Variants in CD46 observed in about 807,000 individuals in gnomAD.
CD46 encodes membrane cofactor protein.
Under a neutral mutation model 53.3 loss-of-function variants are expected in CD46, and 30 were observed. The observed-to-expected ratio is 0.56, with a 90% CI of 0.42 to 0.76. The LOEUF is 0.76. CD46 is among the 30% of genes least tolerant of loss of function. The pLI is 0.00. For missense variants in CD46, 409 were observed against 463.0 expected (o/e 0.88, Z 1.07); for synonymous variants, 142 against 152.0 (o/e 0.93, Z 0.48).
At chr1:207,754,274 C>T (rs1188996529) in intron 1 of CD46, among the ~76,000 whole-genome samples, 1 of 152,186 alleles carries the variant, frequency 6.6e-6, no homozygotes, top group African/African-American at 2.4e-5. Flanking sequence ...GCTGTTCCCT[C>T]AGCCCAGGAA....
At chr1:207,785,255 T>C in intron 10 of CD46, 149 bp downstream of exon 10, 1 of 680,158 alleles carries the variant, frequency 1.5e-6, no homozygotes, top group Non-Finnish European at 2.6e-6. Context: ...TTTGATATAC[T>C]TAACTACCTA....
At chr1:207,780,731 TG>T (rs1277084257) in intron 8 of CD46, among the ~76,000 whole-genome samples, 1 of 152,148 alleles carries the variant, frequency 6.6e-6, no homozygotes. Flanking sequence ...CTTATTAAAT[TG>T]TTTTTTTAGT....
At chr1:207,774,180 GT>G (rs1307798547) in intron 8 of CD46, among the ~76,000 whole-genome samples, 1 of 151,100 alleles carries the variant, frequency 6.6e-6, no homozygotes, top group Non-Finnish European at 1.5e-5. Context: ...TTTAATGTCT[GT>G]TTTATCAGAA....
chr1:207,753,808 T>C (rs35029161), intron 1 of CD46, among the ~76,000 whole-genome samples: 14,520 of 152,332 alleles, frequency 0.095, 954 homozygotes, highest in Admixed American at 0.17. Flanking sequence ...TGTGTATCTA[T>C]GTCCAAATTA....
chr1:207,757,101 A>G lies in CD46; in HGVS notation c.185A>G (p.Tyr62Cys), dbSNP rs745317856. 3.1e-6 allele frequency: 5 copies of G among 1,613,972 alleles called. No homozygotes were observed. The highest frequency in any genetic ancestry group is 4.2e-6 in the Non-Finnish European group (5 of 1,179,802). Residue 62 changes from tyrosine to cysteine, a missense_variant, in exon 2 of 13, where the codon TAT (tyrosine) becomes TGT (cysteine). Tyr to Cys is a radical substitution (Grantham distance 194). Coordinates refer to ENST00000367042, the MANE Select transcript of CD46 (RefSeq NM_172351.3). ...PYYEIGERVD[Y>C]KCKKGYFYIP... ...TATGAGATTGGTGAACGAGTAGATT[A>G]TAAGTGTAAAAAAGGATACTTCTAT...
intron 9 of CD46, among the ~76,000 whole-genome samples, chr1:207,784,538 G>A (rs988277340): frequency 5.3e-5 from 8 of 152,236 alleles, no homozygotes; most frequent in African/African-American, 1.7e-4. Context: ...TGGTTAGAAG[G>A]GTTCTATGAT....
chr1:207,757,548 T>C lies in CD46; in HGVS notation c.295T>C (p.Cys99Arg), dbSNP rs1655698798. The C allele has an allele frequency of 6.3e-7, 1 of 1,597,626 alleles. No homozygotes were observed. The highest frequency in any genetic ancestry group is 8.6e-7 in the Non-Finnish European group (1 of 1,166,528). Residue 99 changes from cysteine (C) to arginine (R), a missense_variant, in exon 3 of 13, where the codon TGT becomes CGT. By Grantham distance (180) the Cys-to-Arg change is radical. Transcript: ENST00000367042. ...VSDDACYRET[C>R]PYIRDPLNGQ... ...AAATTATTTTCTTTCAGGAGAAACA[T>C]GTCCATATATACGGGATCCTTTAAA... is the stretch of plus-strand genomic sequence containing the variant.
chr1:207,757,418 T>C (rs1204996119), intron 2 of CD46, 122 bp from the exon 3 acceptor site: 1 of 791,904 alleles, frequency 1.3e-6, no homozygotes, highest in African/African-American at 1.7e-5. Context: ...AGTTTGCCCT[T>C]ATAATAAGTA....
intron 1 of CD46, among the ~76,000 whole-genome samples, chr1:207,755,167 A>T (rs1655395329): frequency 6.6e-6 from 1 of 152,052 alleles, no homozygotes; most frequent in East Asian, 1.9e-4. Flanking sequence ...AAAAAAAGAA[A>T]CAAAATAGGA....
chr1:207,790,408 A>G (rs1045898207), intron 12 of CD46, 63 bp downstream of exon 12: 21 of 791,414 alleles, frequency 2.7e-5, no homozygotes, highest in Middle Eastern at 2.9e-4. Flanking sequence ...CAGTGGATAT[A>G]TAGATATCAA....
chr1:207,782,816 T>A (rs556801763), intron 8 of CD46, among the ~76,000 whole-genome samples: 128 of 126,904 alleles, frequency 1.0e-3, no homozygotes, highest in Middle Eastern at 4.3e-3. Flanking sequence ...CCCAGCTAAT[T>A]TTTGTTTTTT....
chr1:207,771,153 A>G (rs1571631687), intron 8 of CD46, among the ~76,000 whole-genome samples: 1 of 152,240 alleles, frequency 6.6e-6, no homozygotes, highest in East Asian at 1.9e-4. Flanking sequence ...ATGACCAGTG[A>G]TGATGAGCAT....
At chr1:207,774,094 TA>T (rs958282341) in intron 8 of CD46, among the ~76,000 whole-genome samples, 18 of 152,224 alleles carry the variant, frequency 1.2e-4, no homozygotes, top group African/African-American at 3.9e-4. Context: ...ATATTTAGGA[TA>T]GTTAGCTCTT....
At chr1:207,766,482 T>C (rs1317328820) in intron 5 of CD46, among the ~76,000 whole-genome samples, 2 of 152,052 alleles carry the variant, frequency 1.3e-5, no homozygotes, top group South Asian at 2.1e-4. Flanking sequence ...ATACATGTAA[T>C]TGGAGTTTCA....
chr1:207,776,113 G>A (rs553866371), intron 8 of CD46, among the ~76,000 whole-genome samples: 40 of 152,200 alleles, frequency 2.6e-4, no homozygotes, highest in Admixed American at 7.2e-4. Context: ...CTGCAGTGTC[G>A]CAGGTCAATC....
At position 207,752,951 on chromosome 1, in the gene CD46, G is replaced by A. The variant is rs770137530; in HGVS notation, c.97+642G>A. Among the ~76,000 whole-genome samples, 1 of 152,076 alleles carries A rather than the reference G, an allele frequency of 6.6e-6. No individual in the cohort carries two copies. Among genetic ancestry groups the A allele is most frequent in the Admixed American group, 6.5e-5 (1 of 15,272 alleles). On this transcript the variant is annotated intron_variant, in intron 1 of 12. Coordinates refer to ENST00000367042, the MANE Select transcript of CD46 (RefSeq NM_172351.3). The surrounding 1 kb of genome is among the most constrained non-coding windows in gnomAD (Gnocchi z 4.1). ...TCTGGGGCTAGGGAGGGCATGTTGAGTGAGAGCAGGCTCTCGGTGCCTGGG... is the reference window on the plus strand; with the variant it reads ...TCTGGGGCTAGGGAGGGCATGTTGAATGAGAGCAGGCTCTCGGTGCCTGGG...
chr1:207,768,400 G>C (rs1657097973), intron 7 of CD46: 1 of 152,874 alleles, frequency 6.5e-6, no homozygotes, highest in Non-Finnish European at 1.5e-5. Context: ...TCATTTCCTG[G>C]AATGCAACTA....
At chr1:207,778,700 A>G (rs935975764) in intron 8 of CD46, among the ~76,000 whole-genome samples, 1 of 152,114 alleles carries the variant, frequency 6.6e-6, no homozygotes. Context: ...CTTGTAGTAG[A>G]GTTTGAAGTC....
intron 11 of CD46, among the ~76,000 whole-genome samples, chr1:207,788,819 T>C (rs1659526365): frequency 6.6e-6 from 1 of 152,210 alleles, no homozygotes; most frequent in South Asian, 2.1e-4. Context: ...ACAAAAATAG[T>C]GTAAGGAGTC....
Sources: allele counts gnomAD v4.1 joint callset (sites outside exome capture counted in the v4.1 genomes callset), GRCh38; gene constraint gnomAD v4.1.1; non-coding constraint Gnocchi (gnomAD v3.1); transcripts MANE v1.5; gene names NCBI Gene and HGNC (gene_info 2026-07-23, HGNC 2026-07-21).